Variants in PPP1R13B observed in about 807,000 individuals in gnomAD.
PPP1R13B encodes the protein apoptosis-stimulating of p53 protein 1.
In PPP1R13B, 44 loss-of-function variants were observed where a neutral mutation model predicts 119.8. That is an observed-to-expected ratio of 0.37 (90% CI 0.29 to 0.47). The LOEUF (loss-of-function observed/expected upper bound fraction) is 0.47. Among genes scored for constraint, PPP1R13B ranks in the 20% least tolerant of loss-of-function variants. PPP1R13B has a pLI of 0.99. For synonymous variants in PPP1R13B, 542 were observed against 561.5 expected (o/e 0.97, Z 0.49); for missense variants, 1,227 against 1,413.5 (o/e 0.87, Z 2.12).
chr14:103,745,799 T>G (rs1259257589), intron 9 of PPP1R13B, among the ~76,000 whole-genome samples: 1 of 152,096 alleles, frequency 6.6e-6, no homozygotes, highest in Non-Finnish European at 1.5e-5. Context: ...GGGTCAGTTT[T>G]TTTTGTTTTG....
chr14:103,764,464 A>G, intron 4 of PPP1R13B: 1 of 354,902 alleles, frequency 2.8e-6, no homozygotes, highest in Non-Finnish European at 5.6e-6. Context: ...ACAGTATGTT[A>G]TCCCAGATAT....
chr14:103,778,987 T>A (rs574503854), intron 3 of PPP1R13B, among the ~76,000 whole-genome samples, 166 bp from the exon 4 acceptor site: 20 of 152,312 alleles, frequency 1.3e-4, no homozygotes, highest in African/African-American at 4.8e-4. Flanking sequence ...AATTAATCTT[T>A]TATATATAAA....
intron 16 of PPP1R13B, among the ~76,000 whole-genome samples, chr14:103,735,503 T>C (rs1298197234): frequency 6.6e-6 from 1 of 152,200 alleles, no homozygotes; most frequent in East Asian, 1.9e-4. Flanking sequence ...CCTGCTGTGT[T>C]TGCCTGGCCA....
rs2084003839 is a variant in PPP1R13B, at chr14:103,733,247, C to T, written c.*1907G>A. 1.8e-6 allele frequency: 1 copy of T among 561,106 alleles called. No individual in the cohort carries two copies. The highest frequency in any genetic ancestry group is 3.2e-5 in the Admixed American group (1 of 31,112). 34.8% of individuals were successfully genotyped at this position (561,106 alleles called of 1,614,324 possible). ...TTTTAGAATTTGTGTATTGTCAATACTTAATTGGGGGTGGGAGAGACTGAG... is the reference window on the plus strand; with the variant it reads ...TTTTAGAATTTGTGTATTGTCAATATTTAATTGGGGGTGGGAGAGACTGAG... On this transcript the variant is annotated 3_prime_UTR_variant, in exon 17 of 17. Transcript: ENST00000202556.
chr14:103,782,577 G>A (rs189414117), intron 3 of PPP1R13B, among the ~76,000 whole-genome samples: 8 of 152,252 alleles, frequency 5.3e-5, no homozygotes, highest in African/African-American at 1.7e-4. Context: ...GGTGCCAACC[G>A]CCTCCCACAG....
chr14:103,751,499 C>G (rs2084544007), intron 7 of PPP1R13B, among the ~76,000 whole-genome samples: 1 of 152,190 alleles, frequency 6.6e-6, no homozygotes. Flanking sequence ...ATGACAACTT[C>G]TGAGACATGA....
chr14:103,848,453 G>C (rs151278042), upstream of PPP1R13B: 94 of 985,356 alleles, frequency 9.5e-5, no homozygotes, highest in Middle Eastern at 5.2e-4. Context: ...AGGCTGCCAG[G>C]GGGGTAGGCA....
rs561212640 is a variant in PPP1R13B, at chr14:103,751,137, G to A, written c.829-1203C>T. On this transcript the variant is annotated intron_variant, in intron 7 of 16. Transcript: ENST00000202556. ...CCACTGCACTCCAGCCTTGGACTCCGTCTCAAAAAAAAGAAAAACAAAACA... is the reference window on the plus strand; with the variant it reads ...CCACTGCACTCCAGCCTTGGACTCCATCTCAAAAAAAAGAAAAACAAAACA... Among the ~76,000 whole-genome samples, 38 of 152,204 alleles carry A rather than the reference G, an allele frequency of 2.5e-4. No individual in the cohort carries two copies. In the South Asian group the frequency reaches 7.2e-3, roughly 29 times the overall value.
rs1013714152 is a variant in PPP1R13B at position 103,738,379 on chromosome 14, C to A, written c.2864+300G>T. 9.4e-6 allele frequency: 4 copies of A among 425,610 alleles called. No individual in the cohort carries two copies. The highest frequency in any genetic ancestry group is 2.0e-5 in the African/African-American group (1 of 49,814). The allele number at this position is 425,610 out of a possible 1,614,324, so 26.4% of individuals were successfully genotyped here. On this transcript the variant is annotated intron_variant, in intron 14 of 16. Transcript: ENST00000202556. This position sits in a 1 kb window ranked among gnomAD's most constrained non-coding sequence, Gnocchi z 5.6. ...CACGGAGCACAGAGTGTGAAGAGTC[C>A]ATACGGAACATATGAGAAGGGGAAG...
intron 1 of PPP1R13B, among the ~76,000 whole-genome samples, chr14:103,798,533 A>G (rs2085816894): frequency 6.6e-6 from 1 of 152,142 alleles, no homozygotes; most frequent in African/African-American, 2.4e-5. Context: ...AATCCCCTCA[A>G]TACATAAAGC....
chr14:103,839,003 C>T (rs1279858876), intron 1 of PPP1R13B, among the ~76,000 whole-genome samples: 1 of 151,932 alleles, frequency 6.6e-6, no homozygotes, highest in African/African-American at 2.4e-5. Flanking sequence ...ATTTCTTTTT[C>T]TTTTTTTCTT....
intron 1 of PPP1R13B, among the ~76,000 whole-genome samples, chr14:103,812,466 C>A (rs887043180): frequency 1.3e-5 from 2 of 151,960 alleles, no homozygotes; most frequent in Non-Finnish European, 2.9e-5. Context: ...GTCGCCCAGT[C>A]TGGAGTGCCG....
intron 4 of PPP1R13B, among the ~76,000 whole-genome samples, chr14:103,776,390 G>A (rs1295832884): frequency 6.6e-6 from 1 of 152,196 alleles, no homozygotes; most frequent in Admixed American, 6.5e-5. Context: ...ATAATAAGTT[G>A]GGAAGTAGAG....
intron 2 of PPP1R13B, among the ~76,000 whole-genome samples, chr14:103,788,568 A>G (rs1165744760): frequency 2.0e-5 from 3 of 152,144 alleles, no homozygotes; most frequent in Non-Finnish European, 2.9e-5. Context: ...GCACATCTGT[A>G]ATTGCAGCTA....
intron 1 of PPP1R13B, among the ~76,000 whole-genome samples, chr14:103,840,930 C>T (rs1393264802): frequency 6.6e-6 from 1 of 152,162 alleles, no homozygotes; most frequent in Non-Finnish European, 1.5e-5. Context: ...TTGATCATTA[C>T]ACATTCTATG....
intron 4 of PPP1R13B, among the ~76,000 whole-genome samples, chr14:103,771,837 A>G (rs2085077093): frequency 1.3e-5 from 2 of 152,232 alleles, no homozygotes; most frequent in African/African-American, 4.8e-5. Context: ...ACTGAGGTAT[A>G]ATTCACATAT....
At chr14:103,818,781 G>C (rs2086336781) in intron 1 of PPP1R13B, among the ~76,000 whole-genome samples, 1 of 152,112 alleles carries the variant, frequency 6.6e-6, no homozygotes, top group Non-Finnish European at 1.5e-5. Context: ...CTGGAGATTT[G>C]GCACTGACAA....
chr14:103,791,136 T>A (rs1344731653), intron 2 of PPP1R13B, among the ~76,000 whole-genome samples: 2 of 150,304 alleles, frequency 1.3e-5, no homozygotes, highest in Non-Finnish European at 2.9e-5. Context: ...TTTTTTTTTT[T>A]TAAGAGATGG....
intron 1 of PPP1R13B, among the ~76,000 whole-genome samples, chr14:103,832,638 T>C (rs547250969): frequency 6.6e-6 from 1 of 152,334 alleles, no homozygotes; most frequent in East Asian, 1.9e-4. Flanking sequence ...CAATTTTAAC[T>C]TAAATTGCAG....
Sources: allele counts gnomAD v4.1 joint callset (sites outside exome capture counted in the v4.1 genomes callset), GRCh38; gene constraint gnomAD v4.1.1; non-coding constraint Gnocchi (gnomAD v3.1); transcripts MANE v1.5; gene names NCBI Gene and HGNC (gene_info 2026-07-23, HGNC 2026-07-21).